The following DBF4 variants were observed in gnomAD, a reference collection of about 807,000 sequenced individuals.
DBF4 encodes DBF4-CDC7 kinase regulatory subunit.
A neutral mutation model predicts 76.6 loss-of-function variants in DBF4; 25 were observed. That is an observed-to-expected ratio of 0.33 (90% CI 0.24 to 0.46). The LOEUF is 0.46. Ranked by LOEUF, DBF4 falls within the 20% of genes least tolerant of loss-of-function variation. The probability of loss-of-function intolerance (pLI) is 1.00; values close to 1 mark genes in which losing one functional copy is unlikely to be tolerated. For synonymous variants in DBF4, 213 were observed against 258.0 expected (o/e 0.83, Z 1.67); for missense variants, 638 against 760.8 (o/e 0.84, Z 1.90).
chr7:87,896,386 T>A, intron 6 of DBF4, 88 bp from the exon 7 acceptor site: 1 of 1,016,460 alleles, frequency 9.8e-7, no homozygotes, highest in Non-Finnish European at 1.5e-6. Flanking sequence ...TCTGCATGAT[T>A]TTTTTATCTT....
In DBF4 at chr7:87,887,405, A is replaced by T; in HGVS notation, c.520+7A>T. 6.4e-7 allele frequency: 1 copy of T among 1,565,268 alleles called. No homozygotes were observed. The highest frequency in any genetic ancestry group is 2.3e-5 in the East Asian group (1 of 43,930). On this transcript the variant is annotated splice_region_variant and intron_variant, in intron 5 of 11. Transcript: ENST00000265728. ...AAAATTCTTCATATTGATGGTAAGG[A>T]TTTTATAATTGTTTTTTGACAGTAT...
At chr7:87,893,269 C>T (rs11764323) in intron 6 of DBF4, among the ~76,000 whole-genome samples, 79 of 138,592 alleles carry the variant, frequency 5.7e-4, no homozygotes, top group Admixed American at 1.2e-3. Flanking sequence ...GACGGAGTCT[C>T]GCTCTGTCGC....
chr7:87,885,244 T>G (rs1335611990), intron 3 of DBF4, 86 bp downstream of exon 3: 1 of 1,177,050 alleles, frequency 8.5e-7, no homozygotes, highest in African/African-American at 1.5e-5. Context: ...GCAGTAGAGT[T>G]TACTTATGTA....
intron 10 of DBF4, among the ~76,000 whole-genome samples, chr7:87,902,598 G>A (rs1287942373): frequency 1.3e-5 from 2 of 152,154 alleles, no homozygotes; most frequent in African/African-American, 2.4e-5. Flanking sequence ...CACAGGTGAC[G>A]CTTTAAATTA....
Position 87,876,693 on chromosome 7 carries a change from ACT to A in DBF4, c.-39_-38del. On this transcript the variant is annotated 5_prime_UTR_variant, in exon 1 of 12. Transcript: ENST00000265728. ...TGCTTTCGCGGCTGCCCGGTGCGACACTTTCTCCGGACCCAGCATGTAGGTGC... is the reference window on the plus strand; with the variant it reads ...TGCTTTCGCGGCTGCCCGGTGCGACATTCTCCGGACCCAGCATGTAGGTGC... 6.2e-7 allele frequency: 1 copy of A among 1,612,638 alleles called. No homozygotes were observed. The highest frequency in any genetic ancestry group is 1.3e-5 in the African/African-American group (1 of 74,986).
intron 1 of DBF4, among the ~76,000 whole-genome samples, chr7:87,877,503 G>A (rs1584348016): frequency 6.6e-6 from 1 of 152,172 alleles, no homozygotes; most frequent in Non-Finnish European, 1.5e-5. Context: ...GAAAGGTTTA[G>A]TTCTTCGTAA....
rs761147230 is a variant in DBF4, at chr7:87,907,390, C to G, written c.1252C>G (p.His418Asp). Residue 418 changes from histidine (H) to aspartate (D), a missense_variant, in exon 12 of 12, where the codon CAC becomes GAC. Transcript: ENST00000265728. ...KLLFISEPIP[H>D]PSNELRGLNE... ...CCTGTTTATTTCAGAGCCCATCCCC[C>G]ACCCTTCAAATGAATTGAGAGGGCT... 24 of 1,614,004 alleles carry G rather than the reference C, an allele frequency of 1.5e-5. No individual in the cohort carries two copies. The Middle Eastern group carries it at 6.6e-4, about 44-fold the overall frequency.
chr7:87,887,936 C>T, intron 5 of DBF4, 47 bp from the exon 6 acceptor site: 1 of 1,457,536 alleles, frequency 6.9e-7, no homozygotes, highest in Non-Finnish European at 9.3e-7. Flanking sequence ...CTGTTTAACT[C>T]CAAGAGTAAA....
In DBF4 at chr7:87,885,094, A is replaced by G. The variant is rs1437727856; in HGVS notation, c.335A>G (p.Tyr112Cys). Residue 112 changes from tyrosine to cysteine, a missense_variant, in exon 3 of 12, where the codon TAT becomes TGT. By Grantham distance (194) the Tyr-to-Cys change is radical. Transcript: ENST00000265728. Reference sequence around the variant, plus strand: ...CCTGTACCAAGTCCAGAATCTGCATATACTGCAGAAACCACTTCACCTCAT... The same window carrying G: ...CCTGTACCAAGTCCAGAATCTGCATGTACTGCAGAAACCACTTCACCTCAT... ...ISPVPSPESAYTAETTSPHPS... is the reference protein window; with the variant it reads ...ISPVPSPESACTAETTSPHPS... 9 of 1,613,694 alleles carry G rather than the reference A, an allele frequency of 5.6e-6. No homozygotes were observed. The highest frequency in any genetic ancestry group is 2.7e-5 in the African/African-American group (2 of 74,934).
rs144749849 is a variant in DBF4, at chr7:87,904,097, T to C, written c.925-195T>C. On this transcript the variant is annotated intron_variant, in intron 10 of 11. Coordinates refer to ENST00000265728, the MANE Select transcript of DBF4 (RefSeq NM_006716.4). ...TGAAGACTAAAAACCAAAGTAGTTT[T>C]ACTGGCTTCTCAAAAGTGACTTTTA... Among the ~76,000 whole-genome samples the C allele has an allele frequency of 5.4e-3, 827 of 152,402 alleles. 4 individuals are homozygous for C. Among genetic ancestry groups the C allele is most frequent in the Non-Finnish European group, 8.2e-3 (561 of 68,042 alleles).
chr7:87,883,501 C>G (rs1839268633), intron 2 of DBF4, among the ~76,000 whole-genome samples: 1 of 152,004 alleles, frequency 6.6e-6, no homozygotes, highest in Admixed American at 6.6e-5. Context: ...TTATTAGGGC[C>G]TCATATTTAT....
At chr7:87,888,906 G>A (rs1839423715) in intron 6 of DBF4, among the ~76,000 whole-genome samples, 1 of 151,966 alleles carries the variant, frequency 6.6e-6, no homozygotes, top group African/African-American at 2.4e-5. Context: ...CCATTCTTTT[G>A]TGGCCTACTT....
intron 6 of DBF4, among the ~76,000 whole-genome samples, chr7:87,890,190 C>T (rs1368262516): frequency 2.0e-5 from 3 of 152,078 alleles, no homozygotes; most frequent in Non-Finnish European, 4.4e-5. Flanking sequence ...AAATATTGAT[C>T]ACAACTCTGA....
chr7:87,886,927 A>G (rs1019871133), intron 4 of DBF4, 33 bp downstream of exon 4: 6 of 1,384,926 alleles, frequency 4.3e-6, no homozygotes, highest in Non-Finnish European at 6.0e-6. Context: ...CACATTGTAC[A>G]TTTTGTTATT....
At chr7:87,888,902 T>C (rs2131052882) in intron 6 of DBF4, among the ~76,000 whole-genome samples, 1 of 152,354 alleles carries the variant, frequency 6.6e-6, no homozygotes, top group Non-Finnish European at 1.5e-5. Context: ...CAGACCATTC[T>C]TTTGTGGCCT....
At chr7:87,905,177 C>A (rs1297797493) in intron 11 of DBF4, among the ~76,000 whole-genome samples, 2 of 152,126 alleles carry the variant, frequency 1.3e-5, no homozygotes, top group African/African-American at 4.8e-5. Context: ...CTGTAAAGAG[C>A]CAGATAGTTG....
At chr7:87,901,357 T>C (rs1428734306) in intron 10 of DBF4, among the ~76,000 whole-genome samples, 1 of 152,176 alleles carries the variant, frequency 6.6e-6, no homozygotes, top group Non-Finnish European at 1.5e-5. Context: ...AAGGTCCCAA[T>C]TTAAAATGAT....
chr7:87,887,887 G>A, intron 5 of DBF4, 96 bp from the exon 6 acceptor site: 2 of 1,194,816 alleles, frequency 1.7e-6, no homozygotes, highest in East Asian at 2.8e-5. Context: ...TACCTATAAT[G>A]GTAAATTCTT....
chr7:87,896,312 G>T, intron 6 of DBF4, 162 bp from the exon 7 acceptor site: 1 of 609,126 alleles, frequency 1.6e-6, no homozygotes, highest in South Asian at 2.0e-5. Flanking sequence ...TGAGTGTATT[G>T]TAAAACATTT....
Sources: gnomAD v4.1 joint callset for allele counts (sites outside exome capture counted in the v4.1 genomes callset) on GRCh38, gnomAD v4.1.1 for gene constraint, MANE v1.5 for transcripts, NCBI Gene and HGNC (gene_info 2026-07-23, HGNC 2026-07-21) for gene names.